The following LDB2 variants were observed in gnomAD, a reference collection of about 807,000 sequenced individuals.
The protein encoded by LDB2 is LIM domain-binding protein 2.
LDB2 carries 12 observed loss-of-function variants against 44.3 expected under a neutral mutation model. The ratio of observed to expected loss-of-function variants is 0.27; its 90% confidence interval spans 0.17 to 0.44. The LOEUF (loss-of-function observed/expected upper bound fraction) is 0.44. Among genes scored for constraint, LDB2 ranks in the 20% least tolerant of loss-of-function variants. The probability of loss-of-function intolerance (pLI) is 1.00; values close to 1 mark genes in which losing one functional copy is unlikely to be tolerated. For missense variants in LDB2, 344 were observed against 473.5 expected, an observed-to-expected ratio of 0.73 and a Z score of 2.54; for synonymous variants, 164 against 174.8, an observed-to-expected ratio of 0.94 and a Z score of 0.49.
At chr4:16,879,837 C>G (rs559649511) in intron 1 of LDB2, among the ~76,000 whole-genome samples, 16 of 152,244 alleles carry the variant, frequency 1.1e-4, no homozygotes, top group African/African-American at 3.8e-4. Flanking sequence ...ACCCTAGAAA[C>G]AGGAAGCCAA....
At chr4:16,843,546 T>A (rs1180436947) in intron 1 of LDB2, among the ~76,000 whole-genome samples, 1 of 152,250 alleles carries the variant, frequency 6.6e-6, no homozygotes. Flanking sequence ...TATACATTAT[T>A]AATGGCATTA....
At chr4:16,764,015 T>C (rs1768606231) in intron 1 of LDB2, among the ~76,000 whole-genome samples, 1 of 152,128 alleles carries the variant, frequency 6.6e-6, no homozygotes, top group Non-Finnish European at 1.5e-5. Context: ...ATAGAGAATC[T>C]AAAATTCAAA....
chr4:16,838,302 CAG>C (rs1190958335), intron 1 of LDB2, among the ~76,000 whole-genome samples: 1 of 152,176 alleles, frequency 6.6e-6, no homozygotes, highest in Non-Finnish European at 1.5e-5. Flanking sequence ...GCAACAGATG[CAG>C]AGACTCAAAC....
intron 2 of LDB2, among the ~76,000 whole-genome samples, chr4:16,618,098 A>G (rs138287955): frequency 4.7e-4 from 71 of 152,242 alleles, no homozygotes; most frequent in African/African-American, 1.6e-3. Context: ...TGCAAATTCC[A>G]TTAACTACGT....
chr4:16,726,019 G>A (rs914778543), intron 2 of LDB2, among the ~76,000 whole-genome samples: 1 of 150,134 alleles, frequency 6.7e-6, no homozygotes, highest in African/African-American at 2.4e-5. Flanking sequence ...TTATGTGCAT[G>A]TAACCACTGA....
chr4:16,561,094 A>G (rs1361096754), intron 5 of LDB2, among the ~76,000 whole-genome samples: 4 of 152,136 alleles, frequency 2.6e-5, no homozygotes, highest in Non-Finnish European at 4.4e-5. Flanking sequence ...ATCTATGACA[A>G]ACCCACAGCC....
intron 2 of LDB2, among the ~76,000 whole-genome samples, chr4:16,720,187 G>A (rs575660951): frequency 6.7e-6 from 1 of 149,818 alleles, no homozygotes; most frequent in Admixed American, 6.7e-5. Flanking sequence ...ATGTTCAAAA[G>A]TATTTTGTAG....
chr4:16,645,782 C>T (rs1736635098), intron 2 of LDB2, among the ~76,000 whole-genome samples: 1 of 152,140 alleles, frequency 6.6e-6, no homozygotes, highest in African/African-American at 2.4e-5. Flanking sequence ...AATTTCAGAC[C>T]TGTTGCTTGG....
At chr4:16,741,438 T>C (rs931328358) in intron 2 of LDB2, 6 of 152,166 alleles carry the variant, frequency 3.9e-5, no homozygotes, top group Admixed American at 2.6e-4. Context: ...AGCTGTAACA[T>C]AACAGATATG....
chr4:16,767,680 A>C (rs1050497456), intron 1 of LDB2, among the ~76,000 whole-genome samples: 1 of 152,276 alleles, frequency 6.6e-6, no homozygotes, highest in Non-Finnish European at 1.5e-5. Context: ...AGATGAAATT[A>C]ACTCAGCCTG....
chr4:16,711,741 C>T (rs1755914676), intron 2 of LDB2, among the ~76,000 whole-genome samples: 2 of 152,130 alleles, frequency 1.3e-5, no homozygotes. Flanking sequence ...TAAGGATAGA[C>T]ATATAGATCA....
At chr4:16,578,371 A>G (rs2152413360) in intron 5 of LDB2, among the ~76,000 whole-genome samples, 1 of 152,328 alleles carries the variant, frequency 6.6e-6, no homozygotes, top group South Asian at 2.1e-4. Flanking sequence ...AAGATCTGAT[A>G]ATCTGATTAA....
intron 1 of LDB2, among the ~76,000 whole-genome samples, chr4:16,760,702 G>C (rs1162699581): frequency 6.6e-6 from 1 of 152,192 alleles, no homozygotes; most frequent in Non-Finnish European, 1.5e-5. Flanking sequence ...ACAATCACAT[G>C]AGCAACTAAA....
At position 16,656,833 on chromosome 4, in the gene LDB2, T is replaced by C. The variant is rs1740003541; in HGVS notation, c.236-60958A>G. 3.3e-5 allele frequency among the ~76,000 whole-genome samples: 5 copies of C among 152,224 alleles called. No homozygotes were observed. The South Asian group carries it at 8.3e-4, about 25-fold the overall frequency. On this transcript the variant is annotated intron_variant, in intron 2 of 7. Transcript: ENST00000304523. ...ATGGAAACAGCATAATTTATGAGGA[T>C]ACCTATGTAAATCATAATTGATAAT...
chr4:16,646,031 C>G (rs1295542850), intron 2 of LDB2, among the ~76,000 whole-genome samples: 1 of 152,166 alleles, frequency 6.6e-6, no homozygotes, highest in Non-Finnish European at 1.5e-5. Flanking sequence ...AATGAGACAT[C>G]CTTTGACGCT....
intron 2 of LDB2, among the ~76,000 whole-genome samples, chr4:16,644,735 C>T (rs10023986): frequency 0.089 from 13,463 of 152,046 alleles, 785 homozygotes; most frequent in East Asian, 0.28. Flanking sequence ...TGGCCATGAA[C>T]CAATTTTTTG....
chr4:16,746,266 A>G (rs1413867337), intron 2 of LDB2, among the ~76,000 whole-genome samples: 2 of 152,242 alleles, frequency 1.3e-5, no homozygotes, highest in African/African-American at 2.4e-5. Context: ...CTAATCCAGT[A>G]AGTCATTATT....
At chr4:16,697,589 A>G (rs1752470278) in intron 2 of LDB2, among the ~76,000 whole-genome samples, 1 of 151,898 alleles carries the variant, frequency 6.6e-6, no homozygotes, top group Admixed American at 6.6e-5. Flanking sequence ...CCAGCTCTTC[A>G]GTTCACCCCT....
At chr4:16,681,863 G>A (rs1748037282) in intron 2 of LDB2, among the ~76,000 whole-genome samples, 1 of 152,054 alleles carries the variant, frequency 6.6e-6, no homozygotes, top group Non-Finnish European at 1.5e-5. Flanking sequence ...GAGCGACTGT[G>A]CCCGGCCTCT....
Sources: allele counts gnomAD v4.1 joint callset (sites outside exome capture counted in the v4.1 genomes callset), GRCh38; gene constraint gnomAD v4.1.1; transcripts MANE v1.5; gene names NCBI Gene and HGNC (gene_info 2026-07-23, HGNC 2026-07-21).